The following SMIM44 variants were observed in gnomAD, a reference collection of about 807,000 sequenced individuals.
SMIM44 encodes the protein small integral membrane protein 44.
At chr19:3,482,835 C>A in the SMIM44 span, 4 of 268,686 alleles carry the variant, frequency 1.5e-5, no homozygotes, top group Non-Finnish European at 2.7e-5. Context: ...GAAGGAGCTT[C>A]GGGATGGGGG....
the SMIM44 span, among the ~76,000 whole-genome samples, chr19:3,482,547 G>T: frequency 6.6e-6 from 1 of 152,222 alleles, no homozygotes; most frequent in African/African-American, 2.4e-5. Flanking sequence ...CACTCGGTAA[G>T]GTTGGCCGAT....
chr19:3,483,217 C>A, the SMIM44 span: 1 of 398,540 alleles, frequency 2.5e-6, no homozygotes, highest in Non-Finnish European at 4.4e-6. Flanking sequence ...AGGTCGTGGG[C>A]GAGGTCTTTG....
the SMIM44 span, chr19:3,483,168 C>T: frequency 5.0e-6 from 2 of 398,444 alleles, no homozygotes; most frequent in Non-Finnish European, 8.9e-6. Context: ...GACCCAGCAT[C>T]GGCCCCAGCT....
chr19:3,483,262 C>G, the SMIM44 span: 1 of 398,386 alleles, frequency 2.5e-6, no homozygotes, highest in Non-Finnish European at 4.4e-6. Context: ...GCGACGGCCA[C>G]CACCACCAGC....
At chr19:3,483,323 G>C in the SMIM44 span, 1 of 398,346 alleles carries the variant, frequency 2.5e-6, no homozygotes, top group African/African-American at 2.1e-5. Context: ...TGCTGTCCAG[G>C]GGCGGCGGCC....
chr19:3,483,009 C>T, the SMIM44 span: 39 of 398,370 alleles, frequency 9.8e-5, no homozygotes, highest in Non-Finnish European at 1.5e-4. Context: ...GCGCAGCTCC[C>T]GGGGTGCGGC....
the SMIM44 span, chr19:3,483,055 C>A: frequency 1.0e-5 from 4 of 398,410 alleles, no homozygotes; most frequent in Non-Finnish European, 1.8e-5. Context: ...GCCCAGTCTG[C>A]GGCAAGGGAG....
chr19:3,483,402 A>G, the SMIM44 span: 1 of 397,882 alleles, frequency 2.5e-6, no homozygotes. Flanking sequence ...CAGCCCCGGC[A>G]TGGTGTCCGC....
At chr19:3,483,354 G>A in the SMIM44 span, 17 of 398,072 alleles carry the variant, frequency 4.3e-5, no homozygotes, top group Middle Eastern at 6.2e-4. Context: ...GTACAGCGGC[G>A]GGGACGGGCT....
chr19:3,483,413 C>G, the SMIM44 span: 9 of 397,708 alleles, frequency 2.3e-5, no homozygotes, highest in Admixed American at 4.4e-5. Context: ...TGGTGTCCGC[C>G]CGGCACAGGG....
the SMIM44 span, chr19:3,483,213 T>C: frequency 2.5e-6 from 1 of 398,352 alleles, no homozygotes; most frequent in Non-Finnish European, 4.4e-6. Context: ...GGCCAGGTCG[T>C]GGGCGAGGTC....
the SMIM44 span, chr19:3,483,261 A>G: frequency 2.5e-6 from 1 of 398,460 alleles, no homozygotes; most frequent in Non-Finnish European, 4.4e-6. Flanking sequence ...GGCGACGGCC[A>G]CCACCACCAG....
the SMIM44 span, chr19:3,483,323 G>A: frequency 1.3e-5 from 5 of 398,228 alleles, no homozygotes; most frequent in Admixed American, 2.2e-4. Context: ...TGCTGTCCAG[G>A]GGCGGCGGCC....
the SMIM44 span, chr19:3,483,420 A>T: frequency 2.5e-6 from 1 of 397,712 alleles, no homozygotes; most frequent in Non-Finnish European, 4.4e-6. Context: ...CGCCCGGCAC[A>T]GGGGAGGCCC....
At chr19:3,482,552 G>C in the SMIM44 span, among the ~76,000 whole-genome samples, 3 of 152,194 alleles carry the variant, frequency 2.0e-5, no homozygotes, top group African/African-American at 7.2e-5. Flanking sequence ...GGTAAGGTTG[G>C]CCGATAATAT....
At chr19:3,482,733 C>A in the SMIM44 span, 2 of 397,194 alleles carry the variant, frequency 5.0e-6, no homozygotes, top group Non-Finnish European at 4.4e-6. Context: ...TCAGGGTTTG[C>A]AGAAAGGGCT....
At chr19:3,482,161 C>T in the SMIM44 span, among the ~76,000 whole-genome samples, 1 of 152,242 alleles carries the variant, frequency 6.6e-6, no homozygotes. Flanking sequence ...CCGTCTTGTG[C>T]AGGGCTTGGA....
chr19:3,483,242 G>A, the SMIM44 span: 1 of 398,588 alleles, frequency 2.5e-6, no homozygotes, highest in Non-Finnish European at 4.4e-6. Context: ...GGTGCCCGAC[G>A]ATGGCGTAGG....
chr19:3,482,507 T>G, the SMIM44 span, among the ~76,000 whole-genome samples: 1 of 152,340 alleles, frequency 6.6e-6, no homozygotes, highest in South Asian at 2.1e-4. Context: ...AGAAAAAGCC[T>G]GCTCTGCACA....
Sources: gnomAD v4.1 joint callset for allele counts (sites outside exome capture counted in the v4.1 genomes callset) on GRCh38, gnomAD v4.1.1 for gene constraint, MANE v1.5 for transcripts, NCBI Gene and HGNC (gene_info 2026-07-23, HGNC 2026-07-21) for gene names.